The following GREB1 variants were observed in gnomAD, a reference collection of about 807,000 sequenced individuals.
GREB1 encodes the protein growth regulating estrogen receptor binding 1.
GREB1 carries 106 observed loss-of-function variants against 200.7 expected under a neutral mutation model. That is an observed-to-expected ratio of 0.53 (90% CI 0.45 to 0.62). The LOEUF is 0.62. Ranked by LOEUF, GREB1 falls within the 20% of genes least tolerant of loss-of-function variation. The probability of loss-of-function intolerance (pLI) is 0.00; values close to 1 mark genes in which losing one functional copy is unlikely to be tolerated. For missense variants in GREB1, 2,243 were observed against 2,556.8 expected (o/e 0.88, Z 2.65); for synonymous variants, 1,132 against 1,092.4 (o/e 1.04, Z -0.72).
At chr2:11,626,438 A>C (rs926223797) in intron 24 of GREB1, among the ~76,000 whole-genome samples, 1 of 152,098 alleles carries the variant, frequency 6.6e-6, no homozygotes, top group Non-Finnish European at 1.5e-5. Flanking sequence ...AAATGCAAAA[A>C]TTAGCCAGGT....
chr2:11,596,239 AG>A lies in GREB1; in HGVS notation c.1954+1del. ...TGTCAGTGGGACACCGGTGTGCACA[AG>A]TGAGTGGTGAAAAGGAATCTCCCAG... is the stretch of plus-strand genomic sequence containing the variant. On this transcript the variant is annotated splice_donor_variant, in intron 13 of 32. Transcript: ENST00000381486. LOFTEE classifies it high-confidence loss of function. The A allele has an allele frequency of 1.9e-6, 3 of 1,611,678 alleles. No individual in the cohort carries two copies. Among genetic ancestry groups the A allele is most frequent in the Non-Finnish European group, 2.5e-6 (3 of 1,178,554 alleles).
chr2:11,501,896 T>TTTTG (rs1673051418), intron 1 of GREB1, among the ~76,000 whole-genome samples: 1 of 16,782 alleles, frequency 6.0e-5, no homozygotes, highest in East Asian at 2.6e-3. Context: ...GGATTTCCTG[T>TTTTG]TTTTTTTTGT....
intron 1 of GREB1, among the ~76,000 whole-genome samples, chr2:11,510,277 C>T (rs1673313160): frequency 6.6e-6 from 1 of 152,186 alleles, no homozygotes; most frequent in Non-Finnish European, 1.5e-5. Context: ...CCTTATATTG[C>T]ACCAATGGCA....
intron 17 of GREB1, among the ~76,000 whole-genome samples, chr2:11,603,032 T>C (rs939258914): frequency 1.3e-5 from 2 of 152,226 alleles, no homozygotes; most frequent in African/African-American, 4.8e-5. Flanking sequence ...ATGAAGAGGC[T>C]GAGGCTTGGA....
rs567209224 is a variant in GREB1 at position 11,632,335 on chromosome 2, C to CTTTT, written c.4816+240_4816+243dup. On this transcript the variant is annotated intron_variant, in intron 27 of 32. Coordinates refer to ENST00000381486, the MANE Select transcript of GREB1 (RefSeq NM_014668.4). ...CGATATTTTCTTTCTTTCTTTCTCT[C>CTTTT]TTTTTTTTTTTTTTTTTTTTTGAGA... is the stretch of plus-strand genomic sequence containing the variant. Among the ~76,000 whole-genome samples the CTTTT allele has an allele frequency of 1.1e-3, 123 of 112,196 alleles. 1 individual carries two copies. Among genetic ancestry groups the CTTTT allele is most frequent in the East Asian group, 1.9e-3 (8 of 4,148 alleles). The allele number at this position is 112,196 out of a possible 152,430, so 73.6% of individuals were successfully genotyped here.
At chr2:11,606,818 C>T (rs113427785) in intron 17 of GREB1, among the ~76,000 whole-genome samples, 5,169 of 150,712 alleles carry the variant, frequency 0.034, 306 homozygotes, top group African/African-American at 0.12. Flanking sequence ...GAGTCTCACT[C>T]TGTTGCCAGG....
In GREB1 at chr2:11,564,729, C is replaced by T. The variant is rs544533097; in HGVS notation, c.278-1751C>T. Among the ~76,000 whole-genome samples, 7 of 152,316 alleles carry T rather than the reference C, an allele frequency of 4.6e-5. No individual in the cohort carries two copies. In the South Asian group the frequency reaches 1.4e-3, roughly 32 times the overall value. On this transcript the variant is annotated intron_variant, in intron 3 of 32. Transcript: ENST00000381486. ...ACCTCAGGGAATTGACCTCCCTTTC[C>T]CAAGCCAATGCAAGGAACTGCCCTG...
chr2:11,551,039 G>A (rs1675771199), intron 1 of GREB1, among the ~76,000 whole-genome samples: 1 of 152,180 alleles, frequency 6.6e-6, no homozygotes, highest in Non-Finnish European at 1.5e-5. Flanking sequence ...CTGGTACCAT[G>A]GGAAGAGAAT....
rs771351067 is a variant in GREB1 at position 11,618,360 on chromosome 2, A to G, written c.3485A>G (p.Gln1162Arg). ...LPQGEHARSP[Q>R]PRGPAEEGRA... ...CAGGGAGAGCATGCCAGGTCGCCCC[A>G]GCCCCGTGGCCCCGCAGAGGAGGGC... Residue 1162 changes from glutamine to arginine, a missense_variant, in exon 22 of 33, where the codon CAG becomes CGG. Physicochemically the swap from Gln to Arg is conservative, Grantham distance 43 (BLOSUM62 1). Transcript: ENST00000381486. The G allele has an allele frequency of 2.5e-6, 4 of 1,610,342 alleles. No homozygotes were observed. Among genetic ancestry groups the G allele is most frequent in the African/African-American group, 1.3e-5 (1 of 74,818 alleles).
chr2:11,587,712 C>A, intron 9 of GREB1: 1 of 1,169,590 alleles, frequency 8.5e-7, no homozygotes, highest in South Asian at 2.8e-5. Flanking sequence ...CACACACACA[C>A]ACACACACAC....
chr2:11,545,594 G>A (rs571640946), intron 1 of GREB1, among the ~76,000 whole-genome samples: 1 of 152,264 alleles, frequency 6.6e-6, no homozygotes, highest in African/African-American at 2.4e-5. Context: ...GAAGGAAAAG[G>A]GATTAATCTT....
intron 1 of GREB1, among the ~76,000 whole-genome samples, chr2:11,554,693 CAA>C (rs1194606207): frequency 1.3e-5 from 2 of 152,212 alleles, no homozygotes; most frequent in Admixed American, 1.3e-4. Context: ...GGCTAGTAGA[CAA>C]GAGACATACA....
chr2:11,487,729 A>G (rs980824156), intron 1 of GREB1, among the ~76,000 whole-genome samples: 1 of 152,204 alleles, frequency 6.6e-6, no homozygotes, highest in African/African-American at 2.4e-5. Flanking sequence ...GATTTTGTCA[A>G]TTTTGTTTCT....
intron 1 of GREB1, among the ~76,000 whole-genome samples, chr2:11,483,811 T>C (rs900927872): frequency 1.3e-3 from 32 of 23,798 alleles, no homozygotes. Context: ...GCCATTTTGC[T>C]GTCAACTCTC....
rs1041540553 is a variant in GREB1, at chr2:11,598,914, T to A, written c.2333+54T>A. The A allele has an allele frequency of 2.8e-6, 4 of 1,424,792 alleles. No homozygotes were observed. The African/African-American group carries it at 5.6e-5, about 20-fold the overall frequency. 88.3% of individuals were successfully genotyped at this position (1,424,792 alleles called of 1,614,324 possible). On this transcript the variant is annotated intron_variant, in intron 15 of 32. Transcript: ENST00000381486. ...GACATTTTCCTTCTTTGAAGTGATG[T>A]ATGTGGATGTTCCCGGGGGCTGAGG... is the stretch of plus-strand genomic sequence containing the variant.
chr2:11,535,013 G>A (rs1330208014), intron 1 of GREB1, among the ~76,000 whole-genome samples: 1 of 152,168 alleles, frequency 6.6e-6, no homozygotes, highest in Non-Finnish European at 1.5e-5. Flanking sequence ...TCTAGTTCTT[G>A]TTGGTTGATT....
At chr2:11,564,091 A>G (rs1677372350) in intron 3 of GREB1, among the ~76,000 whole-genome samples, 2 of 152,186 alleles carry the variant, frequency 1.3e-5, no homozygotes, top group Non-Finnish European at 2.9e-5. Context: ...AGCATGTGCA[A>G]AGGCTTAGTG....
Position 11,578,438 on chromosome 2 carries a change from T to C in GREB1, c.772+7T>C, listed in dbSNP as rs754198669. On this transcript the variant is annotated splice_region_variant and intron_variant, in intron 6 of 32. Transcript: ENST00000381486. ...ATGGGAGCTCAGCAGGCAGGTGAGG[T>C]GGTGGAGACACACCAGAGCTGCTAA... 1.9e-6 allele frequency: 3 copies of C among 1,613,262 alleles called. No individual in the cohort carries two copies. Among genetic ancestry groups the C allele is most frequent in the Admixed American group, 1.7e-5 (1 of 59,996 alleles).
intron 29 of GREB1, among the ~76,000 whole-genome samples, chr2:11,634,738 C>T (rs1202680176): frequency 6.6e-6 from 1 of 152,190 alleles, no homozygotes; most frequent in Non-Finnish European, 1.5e-5. Flanking sequence ...GAGTACCTCT[C>T]CACTGGGCAG....
Sources: allele counts gnomAD v4.1 joint callset (sites outside exome capture counted in the v4.1 genomes callset), GRCh38; gene constraint gnomAD v4.1.1; transcripts MANE v1.5; gene names NCBI Gene and HGNC (gene_info 2026-07-23, HGNC 2026-07-21).